Variants in SAR1A observed in about 807,000 individuals in gnomAD.
The protein encoded by SAR1A is secretion associated Ras related GTPase 1A.
Under a neutral mutation model 22.6 loss-of-function variants are expected in SAR1A, and 6 were observed. The ratio of observed to expected loss-of-function variants is 0.27; its 90% confidence interval spans 0.15 to 0.52. SAR1A has a LOEUF of 0.52. Among genes scored for constraint, SAR1A ranks in the 20% least tolerant of loss-of-function variants. SAR1A has a pLI of 0.96. For synonymous variants in SAR1A, 70 were observed against 82.2 expected, an observed-to-expected ratio of 0.85 and a Z score of 0.80; for missense variants, 145 against 245.1, an observed-to-expected ratio of 0.59 and a Z score of 2.73.
chr10:70,166,725 A>C (rs952010651), intron 1 of SAR1A: 23 of 150,474 alleles, frequency 1.5e-4, no homozygotes, highest in African/African-American at 5.2e-4. Context: ...CGTGGCTCAC[A>C]CCTGTAATCC....
chr10:70,152,226 G>T lies in SAR1A; in HGVS notation c.*250C>A, dbSNP rs1270602918. 9.4e-6 allele frequency: 7 copies of T among 746,202 alleles called. No individual in the cohort carries two copies. Among genetic ancestry groups the T allele is most frequent in the Middle Eastern group, 3.6e-4 (1 of 2,778 alleles). 46.2% of individuals were successfully genotyped at this position (746,202 alleles called of 1,614,324 possible). ...CCATGATGGCATACAGCTTTACCCG[G>T]CAAATCCTGCCAGCTTCCAAGTCCC... is the stretch of plus-strand genomic sequence containing the variant. On this transcript the variant is annotated 3_prime_UTR_variant, in exon 7 of 7. Transcript: ENST00000373241.
intron 1 of SAR1A, chr10:70,162,607 A>G (rs573849355): frequency 3.9e-5 from 6 of 152,210 alleles, no homozygotes; most frequent in African/African-American, 1.4e-4. Context: ...TAGAATCCTT[A>G]TATGTGCAAA....
intron 1 of SAR1A, among the ~76,000 whole-genome samples, chr10:70,166,338 C>T (rs1398088846): frequency 4.6e-5 from 7 of 152,194 alleles, no homozygotes; most frequent in Admixed American, 3.3e-4. Context: ...CAGTGAAGAA[C>T]AACTCTAGGA....
intron 1 of SAR1A, chr10:70,163,751 G>C (rs1386499568): frequency 3.1e-6 from 3 of 953,082 alleles, no homozygotes; most frequent in Non-Finnish European, 5.2e-6. Flanking sequence ...ATTTGACAAA[G>C]ATGGTGATGG....
intron 5 of SAR1A, chr10:70,155,234 T>C (rs748580865): frequency 4.7e-6 from 2 of 427,082 alleles, no homozygotes; most frequent in Non-Finnish European, 9.6e-6. Context: ...ATGATCTAGC[T>C]TAAGGTAGAG....
At chr10:70,153,408 C>T (rs1839351441) in intron 6 of SAR1A, among the ~76,000 whole-genome samples, 1 of 152,186 alleles carries the variant, frequency 6.6e-6, no homozygotes. Flanking sequence ...AACAGTCCTA[C>T]CTCTCTCAGC....
At chr10:70,156,880 T>G (rs990290008) in intron 5 of SAR1A, among the ~76,000 whole-genome samples, 1 of 152,002 alleles carries the variant, frequency 6.6e-6, no homozygotes, top group African/African-American at 2.4e-5. Context: ...ATAGAAACCA[T>G]CAAGCCATGA....
At chr10:70,163,529 C>T (rs1839503728) in intron 1 of SAR1A, among the ~76,000 whole-genome samples, 1 of 152,176 alleles carries the variant, frequency 6.6e-6, no homozygotes, top group Non-Finnish European at 1.5e-5. Context: ...AGGACCCATA[C>T]TCATTTACCA....
rs760432893 is a variant in SAR1A, at chr10:70,161,817, G to GCACAAA, written c.58+35_58+40dup. ...TTGTAGTTAAATTACTGAGGGAAAG[G>GCACAAA]CACAAACTTTGAAACCTGTATTTCA... On this transcript the variant is annotated intron_variant, in intron 2 of 6. Coordinates refer to ENST00000373241, the MANE Select transcript of SAR1A (RefSeq NM_020150.5). 2.7e-5 allele frequency: 44 copies of GCACAAA among 1,612,372 alleles called. No individual in the cohort carries two copies. In the African/African-American group the frequency reaches 5.2e-4, roughly 19 times the overall value.
At chr10:70,163,925 C>G (rs950980196) in intron 1 of SAR1A, 15 of 1,593,202 alleles carry the variant, frequency 9.4e-6, no homozygotes, top group East Asian at 2.2e-5. Context: ...AAGACACAGA[C>G]AGTGAAGAAG....
intron 1 of SAR1A, chr10:70,167,351 T>C (rs1406196036): frequency 6.6e-6 from 1 of 152,030 alleles, no homozygotes; most frequent in African/African-American, 2.4e-5. Flanking sequence ...ATACTAGATA[T>C]GACCAACTGC....
chr10:70,166,210 T>C (rs1839548138), intron 1 of SAR1A, among the ~76,000 whole-genome samples: 1 of 152,256 alleles, frequency 6.6e-6, no homozygotes, highest in Admixed American at 6.5e-5. Context: ...TTTATTTCAG[T>C]AGTCTGGAAC....
chr10:70,161,321 G>A (rs1839465460), intron 3 of SAR1A: 1 of 551,916 alleles, frequency 1.8e-6, no homozygotes, highest in African/African-American at 1.9e-5. Flanking sequence ...AGGGTGAAAT[G>A]TTCTTAAACT....
Position 70,149,746 on chromosome 10 carries a change from G to A in SAR1A, c.*2730C>T, listed in dbSNP as rs1839305624. ...TTTTTTTGTATTTTAGTAGTGATGG[G>A]GTTTCACCCTGTTCCCCAGGCTGGT... On this transcript the variant is annotated 3_prime_UTR_variant, in exon 7 of 7. Coordinates refer to ENST00000373241, the MANE Select transcript of SAR1A (RefSeq NM_020150.5). 6.6e-6 allele frequency: 1 copy of A among 151,166 alleles called. No individual in the cohort carries two copies. 9.4% of individuals were successfully genotyped at this position (151,166 alleles called of 1,614,324 possible).
intron 1 of SAR1A, among the ~76,000 whole-genome samples, 179 bp downstream of exon 1, chr10:70,170,234 G>C (rs1369230125): frequency 6.6e-6 from 1 of 151,910 alleles, no homozygotes; most frequent in Non-Finnish European, 1.5e-5. Flanking sequence ...GGACGGAGCA[G>C]ATCTGGCCAA....
chr10:70,155,037 T>C, intron 5 of SAR1A: 1 of 506,126 alleles, frequency 2.0e-6, no homozygotes, highest in Non-Finnish European at 4.1e-6. Context: ...GATTCAAGCA[T>C]TTAGATAGAC....
rs904814217 is a variant in SAR1A, at chr10:70,149,181, T to C, written c.*3295A>G. 3 of 152,176 alleles carry C rather than the reference T, an allele frequency of 2.0e-5. No individual in the cohort carries two copies. The highest frequency in any genetic ancestry group is 4.4e-5 in the Non-Finnish European group (3 of 68,144). 9.4% of individuals were successfully genotyped at this position (152,176 alleles called of 1,614,324 possible). On this transcript the variant is annotated 3_prime_UTR_variant, in exon 7 of 7. Coordinates refer to ENST00000373241, the MANE Select transcript of SAR1A (RefSeq NM_020150.5). The stretch of plus-strand genomic sequence containing the variant: ...CCTCCGCTTCCCCGATTCAAGCGAT[T>C]CTCCTGCTTCAGCCTCCTGAGTAGC...
At chr10:70,156,838 G>A (rs1839394777) in intron 5 of SAR1A, among the ~76,000 whole-genome samples, 1 of 152,064 alleles carries the variant, frequency 6.6e-6, no homozygotes, top group African/African-American at 2.4e-5. Flanking sequence ...AGAGATATAG[G>A]GTAAAGGAGT....
Position 70,152,370 on chromosome 10 carries a change from G to T in SAR1A, c.*106C>A. On this transcript the variant is annotated 3_prime_UTR_variant, in exon 7 of 7. Transcript: ENST00000373241. The stretch of plus-strand genomic sequence containing the variant: ...AGAGACTCTTGGCTTCTCAACGCCA[G>T]ACATGGTTGGAGAGCTTTCCTTGTT... The T allele has an allele frequency of 9.9e-7, 1 of 1,006,858 alleles. No homozygotes were observed. Among genetic ancestry groups the T allele is most frequent in the South Asian group, 1.3e-5 (1 of 76,090 alleles). The allele number at this position is 1,006,858 out of a possible 1,614,324, so 62.4% of individuals were successfully genotyped here. A position where few individuals can be genotyped will look rare whatever the true frequency, so the allele number is the denominator to read the frequency against.
Sources: allele counts gnomAD v4.1 joint callset (sites outside exome capture counted in the v4.1 genomes callset), GRCh38; gene constraint gnomAD v4.1.1; transcripts MANE v1.5; gene names NCBI Gene and HGNC (gene_info 2026-07-23, HGNC 2026-07-21).